RABGAP1L: variants seen among roughly 807,000 people sequenced by gnomAD.
The protein encoded by RABGAP1L is RAB GTPase activating protein 1 like.
In RABGAP1L, 63 loss-of-function variants were observed where a neutral mutation model predicts 137.7. The observed-to-expected ratio is 0.46, with a 90% CI of 0.37 to 0.56. The LOEUF is 0.56. RABGAP1L is among the 20% of genes least tolerant of loss of function. The pLI is 0.00. For missense variants in RABGAP1L, 1,095 were observed against 1,244.0 expected, an observed-to-expected ratio of 0.88 and a Z score of 1.80; for synonymous variants, 431 against 433.7, an observed-to-expected ratio of 0.99 and a Z score of 0.08.
chr1:174,257,729 C>T (rs766608521), intron 7 of RABGAP1L, among the ~76,000 whole-genome samples: 1 of 152,056 alleles, frequency 6.6e-6, no homozygotes, highest in South Asian at 2.1e-4. Context: ...ACCAAAAACA[C>T]GAGTACACAT....
intron 1 of RABGAP1L, among the ~76,000 whole-genome samples, chr1:174,199,986 A>G (rs1229020547): frequency 1.3e-5 from 2 of 152,196 alleles, no homozygotes; most frequent in Non-Finnish European, 2.9e-5. Flanking sequence ...AAATCCAGGT[A>G]TTTCTTTAAA....
At chr1:174,715,068 G>A (rs1287263929) in intron 17 of RABGAP1L, among the ~76,000 whole-genome samples, 2 of 152,156 alleles carry the variant, frequency 1.3e-5, no homozygotes, top group Admixed American at 6.5e-5. Flanking sequence ...TGAAGTGGTA[G>A]CTGGATCCAA....
At chr1:174,603,556 AC>A (rs910284224) in intron 13 of RABGAP1L, among the ~76,000 whole-genome samples, 83 of 151,872 alleles carry the variant, frequency 5.5e-4, no homozygotes, top group African/African-American at 2.0e-3. Flanking sequence ...ATTCTACTCC[AC>A]CTAAGCTGGC....
At chr1:174,229,215 T>G (rs191898253) in intron 3 of RABGAP1L, among the ~76,000 whole-genome samples, 9 of 152,338 alleles carry the variant, frequency 5.9e-5, no homozygotes, top group Admixed American at 5.9e-4. Flanking sequence ...GTATGAGATG[T>G]AACATTTTAA....
intron 7 of RABGAP1L, among the ~76,000 whole-genome samples, chr1:174,260,708 A>T (rs1673510046): frequency 6.6e-6 from 1 of 152,186 alleles, no homozygotes; most frequent in Non-Finnish European, 1.5e-5. Context: ...ATACTAACAC[A>T]TTGATATGTA....
intron 5 of RABGAP1L, among the ~76,000 whole-genome samples, chr1:174,246,720 A>G (rs115073088): frequency 0.015 from 2,280 of 152,290 alleles, 29 homozygotes; most frequent in Middle Eastern, 0.065. Context: ...TTAAACATCT[A>G]TGCATTTTGG....
chr1:174,780,849 C>G, intron 18 of RABGAP1L, among the ~76,000 whole-genome samples: 1 of 149,780 alleles, frequency 6.7e-6, no homozygotes, highest in Non-Finnish European at 1.5e-5. Flanking sequence ...CGACAGTTTG[C>G]TGAGAATGAT....
chr1:174,262,130 A>G (rs891059853), intron 7 of RABGAP1L, among the ~76,000 whole-genome samples: 1 of 152,208 alleles, frequency 6.6e-6, no homozygotes, highest in South Asian at 2.1e-4. Context: ...TCATGTGACA[A>G]TTGATAGAAA....
chr1:174,767,912 G>A (rs954990069), intron 18 of RABGAP1L, among the ~76,000 whole-genome samples: 6 of 152,174 alleles, frequency 3.9e-5, no homozygotes, highest in African/African-American at 1.4e-4. Flanking sequence ...GAGAGAATGA[G>A]AGCAAAGTGA....
intron 13 of RABGAP1L, among the ~76,000 whole-genome samples, chr1:174,577,559 A>G (rs1668474636): frequency 6.6e-6 from 1 of 152,120 alleles, no homozygotes; most frequent in African/African-American, 2.4e-5. Context: ...TCTTTGTCCT[A>G]AAAATAGTAT....
At chr1:174,248,687 C>A (rs1672465913) in intron 5 of RABGAP1L, among the ~76,000 whole-genome samples, 1 of 152,078 alleles carries the variant, frequency 6.6e-6, no homozygotes, top group Non-Finnish European at 1.5e-5. Flanking sequence ...GAAAAAGTGG[C>A]AGAATATGTG....
rs34341853 is a variant in RABGAP1L, at chr1:174,790,622, GA to G, written c.2212-21199del. ...GCACTCTAGCCTGGGCGACAAAAGT[GA>G]AAAAAAAAAAGAAAAGAGAAAGCCT... On this transcript the variant is annotated intron_variant, in intron 18 of 25. Coordinates refer to ENST00000681986, the MANE Select transcript of RABGAP1L (RefSeq NM_001366446.1). Among the ~76,000 whole-genome samples, 495 of 142,874 alleles carry G rather than the reference GA, an allele frequency of 3.5e-3. 6 individuals carry two copies. Among genetic ancestry groups the G allele is most frequent in the African/African-American group, 0.012 (460 of 37,632 alleles). The allele number at this position is 142,874 out of a possible 152,430, so 93.7% of individuals were successfully genotyped here. A position where few individuals can be genotyped will look rare whatever the true frequency, so the allele number is the denominator to read the frequency against.
At chr1:174,493,855 G>A (rs571657641) in intron 13 of RABGAP1L, among the ~76,000 whole-genome samples, 38 of 148,304 alleles carry the variant, frequency 2.6e-4, no homozygotes, top group Non-Finnish European at 4.9e-4. Flanking sequence ...TAGGCAGAAT[G>A]TAACCTCCTG....
intron 11 of RABGAP1L, among the ~76,000 whole-genome samples, chr1:174,313,532 G>C (rs1558123855): frequency 6.6e-6 from 1 of 152,146 alleles, no homozygotes; most frequent in Non-Finnish European, 1.5e-5. Flanking sequence ...GCTCTAGCTA[G>C]GACTTCTGGT....
chr1:174,324,326 G>A lies in RABGAP1L; in HGVS notation c.1465+19199G>A, dbSNP rs939508678. On this transcript the variant is annotated intron_variant, in intron 11 of 25. Coordinates refer to ENST00000681986, the MANE Select transcript of RABGAP1L (RefSeq NM_001366446.1). Reference sequence around the variant, plus strand: ...AATGAATTGGATACTATAGATGGCAGAAGAAAGAGAGGAGAAAGACTCAAA... The same window carrying A: ...AATGAATTGGATACTATAGATGGCAAAAGAAAGAGAGGAGAAAGACTCAAA... Among the ~76,000 whole-genome samples, 7 of 152,142 alleles carry A rather than the reference G, an allele frequency of 4.6e-5. No homozygotes were observed. In the South Asian group the frequency reaches 1.2e-3, roughly 27 times the overall value.
At chr1:174,969,118 T>C (rs1338567444) in intron 20 of RABGAP1L, among the ~76,000 whole-genome samples, 159 bp from the exon 21 acceptor site, 2 of 152,228 alleles carry the variant, frequency 1.3e-5, no homozygotes, top group African/African-American at 4.8e-5. Flanking sequence ...AAACTCACTG[T>C]TGTTTCCCAG....
intron 2 of RABGAP1L, among the ~76,000 whole-genome samples, chr1:174,220,030 ATTGT>A (rs1558042040): frequency 6.6e-6 from 1 of 152,206 alleles, no homozygotes; most frequent in Non-Finnish European, 1.5e-5. Flanking sequence ...TTGAGAATAT[ATTGT>A]TTTATAATTT....
intron 19 of RABGAP1L, among the ~76,000 whole-genome samples, chr1:174,901,682 C>G (rs529993892): frequency 6.6e-6 from 1 of 152,328 alleles, no homozygotes; most frequent in South Asian, 2.1e-4. Flanking sequence ...TCATTTCAGC[C>G]ATCTCAGCCT....
intron 4 of RABGAP1L, among the ~76,000 whole-genome samples, chr1:174,233,266 A>AT (rs34674306): frequency 0.15 from 22,728 of 149,988 alleles, 5,608 homozygotes; most frequent in African/African-American, 0.52. Flanking sequence ...TATGAAGATA[A>AT]TTTTTTTTTT....
Sources: gnomAD v4.1 joint callset for allele counts (sites outside exome capture counted in the v4.1 genomes callset) on GRCh38, gnomAD v4.1.1 for gene constraint, MANE v1.5 for transcripts, NCBI Gene and HGNC (gene_info 2026-07-23, HGNC 2026-07-21) for gene names.